SCRN2: variants seen among roughly 807,000 people sequenced by gnomAD.
SCRN2 encodes the protein secernin 2.
SCRN2 carries 30 observed loss-of-function variants against 40.1 expected under a neutral mutation model. The ratio of observed to expected loss-of-function variants is 0.75; its 90% CI spans 0.56 to 1.01. The LOEUF is 1.01. SCRN2 is among the 50% of genes least tolerant of loss of function. SCRN2 has a pLI of 0.00. For missense variants in SCRN2, 526 were observed against 564.9 expected, an observed-to-expected ratio of 0.93 and a Z score of 0.70; for synonymous variants, 240 against 233.5, an observed-to-expected ratio of 1.03 and a Z score of -0.25.
At position 47,839,100 on chromosome 17, in the gene SCRN2, AACT is replaced by A; in HGVS notation, c.557-97_557-95del. On this transcript the variant is annotated intron_variant, in intron 4 of 7. Coordinates refer to ENST00000290216, the MANE Select transcript of SCRN2 (RefSeq NM_138355.4). ...GTGCTGAGAACATGGTGGAGAAGAG[AACT>A]ACCTACCCTCATGGAGCCTACGTTT... 3 of 1,353,188 alleles carry A rather than the reference AACT, an allele frequency of 2.2e-6. No homozygotes were observed. In the South Asian group the frequency reaches 3.9e-5, roughly 18 times the overall value. 83.8% of individuals were successfully genotyped at this position (1,353,188 alleles called of 1,614,324 possible). A position where few individuals can be genotyped will look rare whatever the true frequency, so the allele number is the denominator to read the frequency against.
rs1266944118 is a variant in SCRN2, at chr17:47,837,873, C to T, written c.1249G>A (p.Val417Met). Residue 417 changes from valine to methionine, a missense_variant, in exon 8 of 8, where the codon GTG becomes ATG. Transcript: ENST00000290216. ...WELGSLFQAF[V>M]KRESQAYA ...GCATAAGCCTGGCTCTCCCTCTTCA[C>T]GAAGGCCTGGAAGAGGCTGCCCAGC... The T allele has an allele frequency of 1.3e-5, 21 of 1,602,054 alleles. 1 individual carries two copies. The highest frequency in any genetic ancestry group is 1.7e-4 in the Middle Eastern group (1 of 6,052).
chr17:47,839,894 C>T, intron 3 of SCRN2: 1 of 597,014 alleles, frequency 1.7e-6, no homozygotes. Context: ...GTGTCCTGAG[C>T]CCCTAACCTC....
In SCRN2 at chr17:47,840,223, C is replaced by T; in HGVS notation, c.324G>A (p.Glu108=). 2 of 1,613,954 alleles carry T rather than the reference C, an allele frequency of 1.2e-6. No homozygotes were observed. The highest frequency in any genetic ancestry group is 1.7e-6 in the Non-Finnish European group (2 of 1,180,002). The change falls in exon 3 of 8, where the codon GAG becomes GAA. Residue 108 remains glutamate (E), a synonymous_variant. Transcript: ENST00000290216. The stretch of plus-strand genomic sequence containing the variant: ...GGTCCATGCCCAGCAGGGCTTCCCC[C>T]TCCCCAACTGGCTCCTTCGTCCACA... ...EAVWTKEPVG[E]GEALLGMDLL...
chr17:47,838,335 C>T lies in SCRN2; in HGVS notation c.1054G>A (p.Val352Ile). The change falls in exon 7 of 8, where the codon GTA becomes ATA. Residue 352 changes from valine (V) to isoleucine (I), a missense_variant. Coordinates refer to ENST00000290216, the MANE Select transcript of SCRN2 (RefSeq NM_138355.4). ...VRTLPRFQTQ[V>I]DRRHTLYRGH... is the part of the protein sequence containing the mutation. ...CGGTAGAGGGTATGCCGACGATCTACCTGAGTCTGGAATCGGGGCAGGGTC... is the reference window on the plus strand; with the variant it reads ...CGGTAGAGGGTATGCCGACGATCTATCTGAGTCTGGAATCGGGGCAGGGTC... The T allele has an allele frequency of 1.2e-6, 2 of 1,609,398 alleles. No homozygotes were observed. The highest frequency in any genetic ancestry group is 1.7e-6 in the Non-Finnish European group (2 of 1,178,234).
intron 3 of SCRN2, 200 bp from the exon 4 acceptor site, chr17:47,839,843 G>C: frequency 1.6e-6 from 1 of 623,182 alleles, no homozygotes; most frequent in Admixed American, 2.9e-5. Context: ...ATGCTTTGAG[G>C]GTTCCATGAA....
chr17:47,840,966 C>T (rs1056181343), intron 1 of SCRN2, 123 bp from the exon 2 acceptor site: 1 of 944,430 alleles, frequency 1.1e-6, no homozygotes, highest in Admixed American at 3.7e-5. Flanking sequence ...GCTCGGCGCA[C>T]ACACCATGGA....
In SCRN2 at chr17:47,840,328, C is replaced by T. The variant is rs767864810; in HGVS notation, c.219G>A (p.Val73=). The T allele has an allele frequency of 1.2e-6, 2 of 1,614,200 alleles. No individual in the cohort carries two copies. Among genetic ancestry groups the T allele is most frequent in the Non-Finnish European group, 8.5e-7 (1 of 1,180,040 alleles). The part of the protein sequence containing the change: ...EVEQVSKTHA[V]ILSRPSWLWG... Reference sequence around the variant, plus strand: ...ATAGCCAAGAAGGACGGCTCAGAATCACAGCGTGCGTCTTCGACACCTGTT... The same window carrying T: ...ATAGCCAAGAAGGACGGCTCAGAATTACAGCGTGCGTCTTCGACACCTGTT... Residue 73 remains valine (V), a synonymous_variant, in exon 3 of 8, where the codon GTG becomes GTA. Coordinates refer to ENST00000290216, the MANE Select transcript of SCRN2 (RefSeq NM_138355.4).
intron 2 of SCRN2, 72 bp from the exon 3 acceptor site, chr17:47,840,444 A>G (rs987212502): frequency 6.6e-6 from 10 of 1,516,498 alleles, no homozygotes; most frequent in South Asian, 3.5e-5. Context: ...CACTCTGCCA[A>G]TTACCTTATA....
chr17:47,838,558 A>G lies in SCRN2; in HGVS notation c.911T>C (p.Phe304Ser). The change falls in exon 6 of 8, where the codon TTT (phenylalanine) becomes TCT (serine). Residue 304 changes from phenylalanine (F) to serine (S), a missense_variant. Phe to Ser is a radical substitution (Grantham distance 155). Transcript: ENST00000290216. ...PQDPTQPCVH[F>S]LTATPDPSRS... is the part of the protein sequence containing the mutation. Reference sequence around the variant, plus strand: ...GGATGGGTCTGGCGTGGCGGTAAGAAAGTGCACGCAGGGCTGCGTGGGATC... The same window carrying G: ...GGATGGGTCTGGCGTGGCGGTAAGAGAGTGCACGCAGGGCTGCGTGGGATC... 3.1e-6 allele frequency: 5 copies of G among 1,614,032 alleles called. No individual in the cohort carries two copies. The highest frequency in any genetic ancestry group is 4.2e-6 in the Non-Finnish European group (5 of 1,180,008).
chr17:47,840,938 C>A, intron 1 of SCRN2, 95 bp from the exon 2 acceptor site: 1 of 1,207,110 alleles, frequency 8.3e-7, no homozygotes, highest in Admixed American at 3.7e-5. Context: ...AAGGAAGACA[C>A]CGCCGTGGCT....
In SCRN2 at chr17:47,839,510, C is replaced by G. The variant is rs139229069; in HGVS notation, c.490G>C (p.Ala164Pro). The change falls in exon 4 of 8, where the codon GCT becomes CCT. Residue 164 changes from alanine to proline, a missense_variant. Coordinates refer to ENST00000290216, the MANE Select transcript of SCRN2 (RefSeq NM_138355.4). ...PFSYHSTFLLADRTEAWVLET... is the reference protein window; with the variant it reads ...PFSYHSTFLLPDRTEAWVLET... ...AGCACCCACGCCTCAGTGCGGTCAG[C>G]CAGCAGGAAGGTGCTATGGTAGGAG... is the stretch of plus-strand genomic sequence containing the variant. The G allele has an allele frequency of 1.1e-4, 176 of 1,613,840 alleles. No individual in the cohort carries two copies. The highest frequency in any genetic ancestry group is 1.3e-4 in the Non-Finnish European group (155 of 1,180,052).
rs141690344 is a variant in SCRN2 at position 47,840,344 on chromosome 17, G to C, written c.203C>G (p.Ser68Trp). 6.2e-7 allele frequency: 1 copy of C among 1,614,122 alleles called. No individual in the cohort carries two copies. The highest frequency in any genetic ancestry group is 8.5e-7 in the Non-Finnish European group (1 of 1,180,016). Residue 68 changes from serine (S) to tryptophan (W), a missense_variant, in exon 3 of 8, where the codon TCG becomes TGG. Coordinates refer to ENST00000290216, the MANE Select transcript of SCRN2 (RefSeq NM_138355.4). ...QCTYIEVEQVSKTHAVILSRP... is the reference protein window; with the variant it reads ...QCTYIEVEQVWKTHAVILSRP... ...GCTCAGAATCACAGCGTGCGTCTTC[G>C]ACACCTGTTCCACTTCAATGTAGGT...
Position 47,838,843 on chromosome 17 carries a change from C to T in SCRN2, c.720G>A (p.Glu240=). ...FSLTQQPVRM[E]AAKARFQAGR... is the part of the protein sequence containing the mutation. ...CTGCCTGGAAGCGGGCCTTGGCAGC[C>T]TCCATGCGCACAGGCTGCTGGGTCA... Residue 240 remains glutamate, a synonymous_variant, in exon 5 of 8, where the codon GAG becomes GAA. Coordinates refer to ENST00000290216, the MANE Select transcript of SCRN2 (RefSeq NM_138355.4). 5.0e-6 allele frequency: 8 copies of T among 1,613,662 alleles called. No homozygotes were observed. The highest frequency in any genetic ancestry group is 6.8e-6 in the Non-Finnish European group (8 of 1,180,040).
chr17:47,839,740 G>T, intron 3 of SCRN2, 97 bp from the exon 4 acceptor site: 1 of 1,303,236 alleles, frequency 7.7e-7, no homozygotes, highest in Non-Finnish European at 1.1e-6. Flanking sequence ...GAGAGGTTTG[G>T]TGATAGGCCC....
Position 47,838,464 on chromosome 17 carries a change from G to A in SCRN2, c.939-14C>T, listed in dbSNP as rs371457006. The A allele has an allele frequency of 6.2e-7, 1 of 1,613,556 alleles. No individual in the cohort carries two copies. Among genetic ancestry groups the A allele is most frequent in the African/African-American group, 1.3e-5 (1 of 74,896 alleles). On this transcript the variant is annotated splice_polypyrimidine_tract_variant and intron_variant, in intron 6 of 7. Transcript: ENST00000290216. ...TTGAACACAGACCTAGAGGGGCACA[G>A]ATGGAAGCACGGAGATATATCAGAT...
chr17:47,838,078 C>T (rs2033730167), intron 7 of SCRN2, 76 bp from the exon 8 acceptor site: 2 of 1,564,468 alleles, frequency 1.3e-6, no homozygotes, highest in Non-Finnish European at 1.7e-6. Context: ...TGTGTACCAC[C>T]TCACACAAGC....
chr17:47,839,395 C>G (rs1349927616), intron 4 of SCRN2, 49 bp downstream of exon 4: 1 of 1,595,434 alleles, frequency 6.3e-7, no homozygotes, highest in Non-Finnish European at 8.6e-7. Context: ...CCTCCCTGCC[C>G]CTACCATCTC....
At chr17:47,839,773 G>T in intron 3 of SCRN2, 130 bp from the exon 4 acceptor site, 1 of 889,184 alleles carries the variant, frequency 1.1e-6, no homozygotes, top group Non-Finnish European at 1.8e-6. Flanking sequence ...AAATCTGCTG[G>T]CACTGATCGT....
chr17:47,838,671 C>T lies in SCRN2; in HGVS notation c.798G>A (p.Met266Ile). ...RQGGITAEVM[M>I]GILRDKESGI... ...CACTCTCCTTGTCTCTGAGGATGCC[C>T]ATCATCACCTCTGCCGTGATGCCCC... Residue 266 changes from methionine (M) to isoleucine (I), a missense_variant, in exon 6 of 8, where the codon ATG becomes ATA. Physicochemically the swap from Met to Ile is conservative, Grantham distance 10. Coordinates refer to ENST00000290216, the MANE Select transcript of SCRN2 (RefSeq NM_138355.4). The T allele has an allele frequency of 1.2e-6, 2 of 1,614,038 alleles. No individual in the cohort carries two copies. The highest frequency in any genetic ancestry group is 2.2e-5 in the South Asian group (2 of 91,076).
Sources: allele counts gnomAD v4.1 joint callset, GRCh38; gene constraint gnomAD v4.1.1; transcripts MANE v1.5; gene names NCBI Gene and HGNC (gene_info 2026-07-23, HGNC 2026-07-21).